OSBPL6: variants seen among roughly 807,000 people sequenced by gnomAD.
OSBPL6 encodes the protein oxysterol binding protein like 6, also known as oxysterol-binding protein-related protein 6.
Under a neutral mutation model 125.8 loss-of-function variants are expected in OSBPL6, and 49 were observed. The ratio of observed to expected loss-of-function variants is 0.39; its 90% CI spans 0.31 to 0.49. OSBPL6 has a LOEUF of 0.49. Among genes scored for constraint, OSBPL6 ranks in the 20% least tolerant of loss-of-function variants. The pLI is 0.88. For synonymous variants in OSBPL6, 394 were observed against 391.8 expected, an observed-to-expected ratio of 1.01 and a Z score of -0.07; for missense variants, 986 against 1,135.4, an observed-to-expected ratio of 0.87 and a Z score of 1.89.
At chr2:178,286,478 T>A (rs549140512) in intron 2 of OSBPL6, among the ~76,000 whole-genome samples, 3 of 152,378 alleles carry the variant, frequency 2.0e-5, no homozygotes, top group African/African-American at 7.2e-5. Flanking sequence ...TATTATTTTA[T>A]ATAAAATGTA....
Position 178,361,689 on chromosome 2 carries a change from T to C in OSBPL6, c.1161T>C (p.Ser387=). The C allele has an allele frequency of 6.2e-7, 1 of 1,613,916 alleles. No homozygotes were observed. The highest frequency in any genetic ancestry group is 1.3e-5 in the African/African-American group (1 of 75,040). ...EFCLIAQKVH[S]LLKSAFNSIA... ...ACTTTTCTCCCCACCCAGTGCATTC[T>C]CTTTTGAAGTCTGCATTTAATAGCA... The change falls in exon 13 of 25, where the codon TCT becomes TCC. Residue 387 remains serine (S), a synonymous_variant. Coordinates refer to ENST00000190611, the MANE Select transcript of OSBPL6 (RefSeq NM_032523.4).
chr2:178,282,705 G>A (rs995658277), intron 1 of OSBPL6, among the ~76,000 whole-genome samples: 26 of 152,166 alleles, frequency 1.7e-4, no homozygotes, highest in African/African-American at 5.6e-4. Flanking sequence ...AGGCTGGACT[G>A]CAATGGCATG....
Position 178,396,158 on chromosome 2 carries a change from T to C in OSBPL6, c.*599T>C, listed in dbSNP as rs1039194211. The C allele has an allele frequency of 6.0e-6, 1 of 167,294 alleles. No homozygotes were observed. The highest frequency in any genetic ancestry group is 2.4e-5 in the African/African-American group (1 of 41,688). The allele number at this position is 167,294 out of a possible 1,614,324, so 10.4% of individuals were successfully genotyped here. A position where few individuals can be genotyped will look rare whatever the true frequency, so the allele number is the denominator to read the frequency against. On this transcript the variant is annotated 3_prime_UTR_variant, in exon 25 of 25. Coordinates refer to ENST00000190611, the MANE Select transcript of OSBPL6 (RefSeq NM_032523.4). ...AATAAATCATTTTTAAAATGTGTGC[T>C]CATAGGTTTATGTGAAGAACAGATT...
At chr2:178,391,647 A>G (rs73034350) in intron 22 of OSBPL6, among the ~76,000 whole-genome samples, 3,210 of 152,326 alleles carry the variant, frequency 0.021, 106 homozygotes, top group African/African-American at 0.072. Flanking sequence ...AGAATAAGTA[A>G]TCTTTTCACT....
At chr2:178,313,217 A>G (rs1276791988) in intron 3 of OSBPL6, among the ~76,000 whole-genome samples, 1 of 152,206 alleles carries the variant, frequency 6.6e-6, no homozygotes, top group Non-Finnish European at 1.5e-5. Context: ...ATTTTAGAGA[A>G]TTTTAACAAA....
intron 15 of OSBPL6, among the ~76,000 whole-genome samples, chr2:178,382,049 T>C (rs576077690): frequency 1.1e-4 from 17 of 152,224 alleles, no homozygotes; most frequent in Non-Finnish European, 2.1e-4. Context: ...TCCTCTAAGG[T>C]AGAGTCATAG....
rs765194380 is a variant in OSBPL6, at chr2:178,225,253, AAGG to A, written c.-351+30581_-351+30583del. Among the ~76,000 whole-genome samples the A allele has an allele frequency of 8.8e-3, 1,275 of 144,110 alleles. 29 individuals carry two copies. The highest frequency in any genetic ancestry group is 0.074 in the East Asian group (381 of 5,118). 94.5% of individuals were successfully genotyped at this position (144,110 alleles called of 152,430 possible). On this transcript the variant is annotated intron_variant, in intron 1 of 24. Transcript: ENST00000190611. ...GTGCCCATTACTTTAAAAAAAAAAA[AAGG>A]AAAGAAAAGAAAAGAAAAGAAAAAA...
intron 24 of OSBPL6, among the ~76,000 whole-genome samples, 153 bp from the exon 25 acceptor site, chr2:178,395,298 C>A (rs1338441795): frequency 6.6e-6 from 1 of 152,126 alleles, no homozygotes; most frequent in Non-Finnish European, 1.5e-5. Context: ...CACTTCCAGT[C>A]AAAAATAGTC....
chr2:178,371,400 C>G (rs1335771926), intron 13 of OSBPL6, among the ~76,000 whole-genome samples: 1 of 152,130 alleles, frequency 6.6e-6, no homozygotes, highest in Admixed American at 6.5e-5. Context: ...CATACTAAAC[C>G]GTGTTATAGC....
At chr2:178,226,438 G>A (rs557960930) in intron 1 of OSBPL6, among the ~76,000 whole-genome samples, 3 of 152,212 alleles carry the variant, frequency 2.0e-5, no homozygotes, top group African/African-American at 7.2e-5. Flanking sequence ...CAATGGGTCT[G>A]GGGTGGGAAG....
intron 1 of OSBPL6, among the ~76,000 whole-genome samples, chr2:178,208,605 C>G (rs2089664197): frequency 6.6e-6 from 1 of 151,694 alleles, no homozygotes; most frequent in African/African-American, 2.4e-5. Flanking sequence ...ATGTTTTCCT[C>G]TTCTTTGCTT....
Position 178,361,764 on chromosome 2 carries a change from C to A in OSBPL6, c.1236C>A (p.His412Gln), listed in dbSNP as rs750240373. ...KLKQMVSEQD[H>Q]SKGHSTQMAR... Reference sequence around the variant, plus strand: ...AGCAGATGGTTTCCGAGCAGGATCACAGTAAAGGCCACAGCACGCAGATGG... The same window carrying A: ...AGCAGATGGTTTCCGAGCAGGATCAAAGTAAAGGCCACAGCACGCAGATGG... The change falls in exon 13 of 25, where the codon CAC becomes CAA. Residue 412 changes from histidine to glutamine, a missense_variant. Transcript: ENST00000190611. 2 of 1,614,128 alleles carry A rather than the reference C, an allele frequency of 1.2e-6. No individual in the cohort carries two copies. Among genetic ancestry groups the A allele is most frequent in the South Asian group, 2.2e-5 (2 of 91,088 alleles).
intron 1 of OSBPL6, among the ~76,000 whole-genome samples, chr2:178,257,915 A>T (rs569833183): frequency 6.6e-6 from 1 of 151,472 alleles, no homozygotes; most frequent in East Asian, 1.9e-4. Flanking sequence ...AAGCCTCATG[A>T]GTAGCTGGGA....
At chr2:178,208,101 A>T (rs536756805) in intron 1 of OSBPL6, among the ~76,000 whole-genome samples, 32 of 152,264 alleles carry the variant, frequency 2.1e-4, no homozygotes, top group African/African-American at 5.8e-4. Flanking sequence ...CCTGGCCAAC[A>T]TGGTGAAACC....
intron 18 of OSBPL6, among the ~76,000 whole-genome samples, chr2:178,384,869 A>G (rs1160979123): frequency 1.3e-5 from 2 of 150,134 alleles, no homozygotes; most frequent in Admixed American, 1.3e-4. Context: ...GGAGAGAGGT[A>G]GCCTTTTTAA....
At chr2:178,226,401 G>A (rs1042205163) in intron 1 of OSBPL6, among the ~76,000 whole-genome samples, 1 of 152,140 alleles carries the variant, frequency 6.6e-6, no homozygotes, top group African/African-American at 2.4e-5. Context: ...GCTTCCTGGA[G>A]CCCAGAGAAG....
chr2:178,240,055 T>C (rs763756727), intron 1 of OSBPL6, among the ~76,000 whole-genome samples: 1 of 152,182 alleles, frequency 6.6e-6, no homozygotes, highest in Non-Finnish European at 1.5e-5. Flanking sequence ...TGGATTCAAA[T>C]AGAAGAAGCA....
At chr2:178,372,024 GAA>G in intron 13 of OSBPL6, 100 bp from the exon 14 acceptor site, 2 of 822,600 alleles carry the variant, frequency 2.4e-6, no homozygotes, top group Non-Finnish European at 3.8e-6. Flanking sequence ...TTAGAGCTAA[GAA>G]CATCACAGAC....
intron 13 of OSBPL6, among the ~76,000 whole-genome samples, chr2:178,370,983 G>A (rs539975460): frequency 1.3e-5 from 2 of 152,314 alleles, no homozygotes; most frequent in South Asian, 4.1e-4. Context: ...TTTTTACCCT[G>A]GGTGTTTTAA....
Sources: allele counts gnomAD v4.1 joint callset (sites outside exome capture counted in the v4.1 genomes callset), GRCh38; gene constraint gnomAD v4.1.1; transcripts MANE v1.5; gene names NCBI Gene and HGNC (gene_info 2026-07-23, HGNC 2026-07-21).